VPS35L: variants seen among roughly 807,000 people sequenced by gnomAD.
The protein encoded by VPS35L is VPS35 endosomal protein sorting factor like.
A neutral mutation model predicts 133.0 loss-of-function variants in VPS35L; 83 were observed. That is an observed-to-expected ratio of 0.62 (90% CI 0.52 to 0.75). The LOEUF (loss-of-function observed/expected upper bound fraction) is 0.75. VPS35L is among the 30% of genes least tolerant of loss of function. The pLI is 0.00. For missense variants in VPS35L, 1,083 were observed against 1,206.8 expected (o/e 0.90, Z 1.52); for synonymous variants, 423 against 449.9 (o/e 0.94, Z 0.76).
At chr16:19,621,541 G>T (rs1421468510) in intron 14 of VPS35L, among the ~76,000 whole-genome samples, 2 of 152,196 alleles carry the variant, frequency 1.3e-5, no homozygotes, top group Non-Finnish European at 2.9e-5. Context: ...TTCAAGTTCT[G>T]CTGTGTGTGA....
intron 8 of VPS35L, among the ~76,000 whole-genome samples, chr16:19,599,810 G>A (rs1048009795): frequency 5.3e-5 from 8 of 152,114 alleles, no homozygotes; most frequent in Non-Finnish European, 1.2e-4. Context: ...GGAGGCTAAG[G>A]CAAGCAGATC....
Position 19,642,439 on chromosome 16 carries a change from C to G in VPS35L, c.1828C>G (p.Leu610Val), listed in dbSNP as rs749752363. ...CAAGGACCCGGTCATCTTGAATGCC[C>G]TTTTGCATGTTTGCAAGACCATGCA... ...PTKDPVILNA[L>V]LHVCKTMHDS... is the part of the protein sequence containing the mutation. Residue 610 changes from leucine to valine, a missense_variant, in exon 22 of 31, where the codon CTT (leucine) becomes GTT (valine). Coordinates refer to ENST00000417362, the MANE Select transcript of VPS35L (RefSeq NM_020314.7). The G allele has an allele frequency of 6.2e-7, 1 of 1,613,902 alleles. No individual in the cohort carries two copies.
chr16:19,581,912 A>G lies in VPS35L; in HGVS notation c.639+259A>G. ...AGCACTCTTCACCCTAGGTTACAGA[A>G]CTGATGATACCCCATGTGTTGTGCA... is the stretch of plus-strand genomic sequence containing the variant. On this transcript the variant is annotated intron_variant, in intron 7 of 30. Coordinates refer to ENST00000417362, the MANE Select transcript of VPS35L (RefSeq NM_020314.7). 6 of 498,194 alleles carry G rather than the reference A, an allele frequency of 1.2e-5. No homozygotes were observed. The South Asian group carries it at 1.5e-4, about 13-fold the overall frequency. The allele number at this position is 498,194 out of a possible 1,614,324, so 30.9% of individuals were successfully genotyped here. A position where few individuals can be genotyped will look rare whatever the true frequency, so the allele number is the denominator to read the frequency against.
At chr16:19,584,593 C>T (rs1307542104) in intron 7 of VPS35L, among the ~76,000 whole-genome samples, 1 of 148,126 alleles carries the variant, frequency 6.8e-6, no homozygotes, top group Non-Finnish European at 1.5e-5. Context: ...CACCATTGCA[C>T]TCCAACATGG....
chr16:19,573,043 G>A, intron 3 of VPS35L, 76 bp from the exon 4 acceptor site: 6 of 1,460,112 alleles, frequency 4.1e-6, no homozygotes, highest in Non-Finnish European at 5.6e-6. Flanking sequence ...GGACTATCTG[G>A]CTTCTATTTA....
At chr16:19,691,775 T>C (rs2151626714) in intron 29 of VPS35L, among the ~76,000 whole-genome samples, 1 of 151,958 alleles carries the variant, frequency 6.6e-6, no homozygotes, top group South Asian at 2.1e-4. Context: ...CTCTGCCCGA[T>C]TGTCCCTGTA....
intron 9 of VPS35L, among the ~76,000 whole-genome samples, chr16:19,602,568 T>C (rs542580916): frequency 6.6e-6 from 1 of 152,048 alleles, no homozygotes; most frequent in East Asian, 1.9e-4. Flanking sequence ...TCTCTCTCCT[T>C]CTGCTTCCTA....
At chr16:19,667,109 A>G (rs550289330) in intron 26 of VPS35L, among the ~76,000 whole-genome samples, 1 of 151,986 alleles carries the variant, frequency 6.6e-6, no homozygotes, top group Non-Finnish European at 1.5e-5. Context: ...AATTACAGGC[A>G]TGTGCCACCA....
rs951732629 is a variant in VPS35L at position 19,682,209 on chromosome 16, T to C, written c.2362-16T>C. ...CATCTTTGGGATTATTTATCCTTTT[T>C]TCGGTTCTCTGCTAGGATCATCCTG... On this transcript the variant is annotated splice_polypyrimidine_tract_variant and intron_variant, in intron 27 of 30. Transcript: ENST00000417362. The C allele has an allele frequency of 1.2e-5, 19 of 1,607,402 alleles. No homozygotes were observed. The highest frequency in any genetic ancestry group is 1.7e-5 in the Admixed American group (1 of 59,148).
At chr16:19,602,309 CTT>C (rs1253842122) in intron 9 of VPS35L, among the ~76,000 whole-genome samples, 1 of 152,124 alleles carries the variant, frequency 6.6e-6, no homozygotes, top group Non-Finnish European at 1.5e-5. Context: ...CTTTATTCCT[CTT>C]TTTAACTTCC....
At chr16:19,647,929 G>GAGAGAAGA in intron 24 of VPS35L, 47 bp downstream of exon 24, 1 of 1,418,124 alleles carries the variant, frequency 7.1e-7, no homozygotes, top group Non-Finnish European at 1.0e-6. Context: ...AATATTTATT[G>GAGAGAAGA]ATCATCTACA....
At chr16:19,689,908 ATTTATTTTATTTTG>A (rs1471095687) in intron 28 of VPS35L, among the ~76,000 whole-genome samples, 1 of 152,094 alleles carries the variant, frequency 6.6e-6, no homozygotes, top group East Asian at 1.9e-4. Flanking sequence ...TAGCACGAAG[ATTTATTTTATTTTG>A]TTTATTTTGA....
At chr16:19,564,725 C>T in intron 1 of VPS35L, 126 bp from the exon 2 acceptor site, 1 of 671,556 alleles carries the variant, frequency 1.5e-6, no homozygotes, top group Non-Finnish European at 2.5e-6. Context: ...AATGTAGTTT[C>T]TTTTTAACTT....
chr16:19,687,843 T>C (rs1397987726), intron 28 of VPS35L, among the ~76,000 whole-genome samples: 1 of 151,966 alleles, frequency 6.6e-6, no homozygotes, highest in Non-Finnish European at 1.5e-5. Context: ...CCGGGCGCGG[T>C]GGCTCATGCC....
chr16:19,658,377 A>G (rs1227238292), intron 26 of VPS35L, among the ~76,000 whole-genome samples: 1 of 152,198 alleles, frequency 6.6e-6, no homozygotes, highest in Non-Finnish European at 1.5e-5. Flanking sequence ...TAAAAATACA[A>G]AAATTAGCCG....
chr16:19,600,086 G>T (rs929476245), intron 8 of VPS35L, among the ~76,000 whole-genome samples: 1 of 152,128 alleles, frequency 6.6e-6, no homozygotes, highest in African/African-American at 2.4e-5. Flanking sequence ...TAGGTAGGTG[G>T]CTCATACTAG....
intron 23 of VPS35L, among the ~76,000 whole-genome samples, chr16:19,646,946 C>T (rs926233251): frequency 1.3e-5 from 2 of 152,170 alleles, no homozygotes; most frequent in African/African-American, 4.8e-5. Context: ...CTGCAAATAT[C>T]TTCTATTTTA....
intron 15 of VPS35L, among the ~76,000 whole-genome samples, chr16:19,627,322 A>G (rs1973298932): frequency 6.6e-6 from 1 of 151,912 alleles, no homozygotes; most frequent in Middle Eastern, 3.4e-3. Context: ...TGCATAAACG[A>G]TGTGGATATA....
At chr16:19,593,102 C>T (rs1972095447) in intron 8 of VPS35L, among the ~76,000 whole-genome samples, 1 of 152,130 alleles carries the variant, frequency 6.6e-6, no homozygotes, top group Non-Finnish European at 1.5e-5. Flanking sequence ...CCTTTTGGAG[C>T]CAGGTAGAAA....
Sources: gnomAD v4.1 joint callset for allele counts (sites outside exome capture counted in the v4.1 genomes callset) on GRCh38, gnomAD v4.1.1 for gene constraint, MANE v1.5 for transcripts, NCBI Gene and HGNC (gene_info 2026-07-23, HGNC 2026-07-21) for gene names.